The following MTMR7 variants were observed in gnomAD, a reference collection of about 807,000 sequenced individuals.
MTMR7 encodes the protein myotubularin related protein 7.
Under a neutral mutation model 81.2 loss-of-function variants are expected in MTMR7, and 76 were observed. The observed-to-expected ratio is 0.94, with a 90% CI of 0.78 to 1.13. MTMR7 has a LOEUF of 1.13. MTMR7 is among the 50% of genes most tolerant of loss of function. The probability of loss-of-function intolerance (pLI) is 0.00; values close to 1 mark genes in which losing one functional copy is unlikely to be tolerated. For missense variants in MTMR7, 1,044 were observed against 820.0 expected (o/e 1.27, Z -3.34); for synonymous variants, 372 against 289.8 (o/e 1.28, Z -2.88).
chr8:17,371,260 C>A, intron 2 of MTMR7, 61 bp from the exon 3 acceptor site: 1 of 1,528,200 alleles, frequency 6.5e-7, no homozygotes, highest in South Asian at 1.2e-5. Context: ...ACGACAAGGA[C>A]TAACATTTCT....
At chr8:17,361,456 C>T (rs1820059051) in intron 3 of MTMR7, among the ~76,000 whole-genome samples, 182 bp from the exon 4 acceptor site, 1 of 152,182 alleles carries the variant, frequency 6.6e-6, no homozygotes, top group Non-Finnish European at 1.5e-5. Context: ...CCACCAATGA[C>T]AAGATGACCT....
At chr8:17,408,690 T>C (rs1258664595) in intron 1 of MTMR7, among the ~76,000 whole-genome samples, 1 of 152,116 alleles carries the variant, frequency 6.6e-6, no homozygotes, top group Non-Finnish European at 1.5e-5. Context: ...ACAGCAGATG[T>C]GTATCAGCAT....
In MTMR7 at chr8:17,341,555, A is replaced by G. The variant is rs577323058; in HGVS notation, c.598-58T>C. 30 of 1,582,680 alleles carry G rather than the reference A, an allele frequency of 1.9e-5. No individual in the cohort carries two copies. In the South Asian group the frequency reaches 3.4e-4, roughly 18 times the overall value. Reference sequence around the variant, plus strand: ...TCAGGTAACTGTACCCATGAGAGACACTCTACGTGTGTCTCCAGAACAAAG... The same window carrying G: ...TCAGGTAACTGTACCCATGAGAGACGCTCTACGTGTGTCTCCAGAACAAAG... On this transcript the variant is annotated intron_variant, in intron 5 of 13. Transcript: ENST00000180173.
At chr8:17,410,428 CA>C (rs5889714) in intron 1 of MTMR7, among the ~76,000 whole-genome samples, 60,373 of 151,974 alleles carry the variant, frequency 0.4, 14,394 homozygotes, top group Admixed American at 0.58. Context: ...AATTAAGCAG[CA>C]CTTGAACCCA....
At chr8:17,355,253 G>T (rs183596918) in intron 4 of MTMR7, among the ~76,000 whole-genome samples, 2 of 152,012 alleles carry the variant, frequency 1.3e-5, no homozygotes, top group South Asian at 2.1e-4. Context: ...TTCTTTCAAG[G>T]CTAAAAATTC....
At chr8:17,302,678 A>T (rs1231135121) in intron 12 of MTMR7, among the ~76,000 whole-genome samples, 2 of 136,600 alleles carry the variant, frequency 1.5e-5, no homozygotes, top group African/African-American at 2.6e-5. Context: ...ACGACCACTA[A>T]AAGTTGACAT....
Position 17,371,175 on chromosome 8 carries a change from T to C in MTMR7, c.172A>G (p.Ile58Val), listed in dbSNP as rs746107183. ...TWILHSQIST[I>V]EKQATTATGC... ...GTAGCGGTTGTTGCCTGTTTCTCAATGGTGGAAATCTGACTGTGAAGAATC... is the reference window on the plus strand; with the variant it reads ...GTAGCGGTTGTTGCCTGTTTCTCAACGGTGGAAATCTGACTGTGAAGAATC... The change falls in exon 3 of 14, where the codon ATT (isoleucine) becomes GTT (valine). Residue 58 changes from isoleucine (I) to valine (V), a missense_variant. By Grantham distance (29) the Ile-to-Val change is conservative. Coordinates refer to ENST00000180173, the MANE Select transcript of MTMR7 (RefSeq NM_004686.5). 4 of 1,614,048 alleles carry C rather than the reference T, an allele frequency of 2.5e-6. No individual in the cohort carries two copies. The African/African-American group carries it at 4.0e-5, about 16-fold the overall frequency.
At chr8:17,352,559 G>A (rs1221348353) in intron 4 of MTMR7, among the ~76,000 whole-genome samples, 1 of 152,126 alleles carries the variant, frequency 6.6e-6, no homozygotes, top group African/African-American at 2.4e-5. Flanking sequence ...TATTATGTAT[G>A]ACAGCAAAAG....
chr8:17,350,828 G>A (rs1243775725), intron 4 of MTMR7, among the ~76,000 whole-genome samples: 3 of 152,204 alleles, frequency 2.0e-5, no homozygotes, highest in Admixed American at 1.3e-4. Flanking sequence ...GATGTTCACA[G>A]GCCCAAAGTC....
At chr8:17,323,020 T>C (rs1818483906) in intron 7 of MTMR7, among the ~76,000 whole-genome samples, 1 of 147,734 alleles carries the variant, frequency 6.8e-6, no homozygotes, top group Non-Finnish European at 1.5e-5. Flanking sequence ...TGATCTCGGC[T>C]CACTGTAACC....
In MTMR7 at chr8:17,299,854, G is replaced by A; in HGVS notation, c.*8C>T. ...GTGTCCTTTACTTTGGAACTCCAAA[G>A]GGAAACTTCAGGCAGTGAGAAACAC... On this transcript the variant is annotated 3_prime_UTR_variant, in exon 14 of 14. Transcript: ENST00000180173. 1 of 1,613,456 alleles carries A rather than the reference G, an allele frequency of 6.2e-7. No homozygotes were observed.
At chr8:17,362,115 T>C (rs988519631) in intron 3 of MTMR7, among the ~76,000 whole-genome samples, 2 of 152,200 alleles carry the variant, frequency 1.3e-5, no homozygotes, top group Non-Finnish European at 2.9e-5. Flanking sequence ...GTGAGCTATG[T>C]ATGTCATTTT....
intron 1 of MTMR7, among the ~76,000 whole-genome samples, chr8:17,388,061 G>C (rs1821003919): frequency 6.6e-6 from 1 of 152,170 alleles, no homozygotes; most frequent in African/African-American, 2.4e-5. Context: ...GGCAGAACAA[G>C]AAAAAAGTGC....
chr8:17,323,198 C>T (rs1331374535), intron 7 of MTMR7, among the ~76,000 whole-genome samples: 2 of 151,922 alleles, frequency 1.3e-5, no homozygotes, highest in East Asian at 3.9e-4. Flanking sequence ...CCACCTGCCT[C>T]AGCCTCCCAC....
intron 7 of MTMR7, 110 bp downstream of exon 7, chr8:17,331,040 C>A: frequency 7.6e-7 from 1 of 1,309,502 alleles, no homozygotes; most frequent in Non-Finnish European, 1.0e-6. Flanking sequence ...ATATTCTTCC[C>A]AAATTATCAC....
In MTMR7 at chr8:17,299,774, T is replaced by A. The variant is rs1391668361; in HGVS notation, c.*88A>T. On this transcript the variant is annotated 3_prime_UTR_variant, in exon 14 of 14. Transcript: ENST00000180173. ...AGTAGTTCTCAATGACATGCACCATTTCCTGTTTTTACAATAAACCACCTT... is the reference window on the plus strand; with the variant it reads ...AGTAGTTCTCAATGACATGCACCATATCCTGTTTTTACAATAAACCACCTT... 3 of 1,535,844 alleles carry A rather than the reference T, an allele frequency of 2.0e-6. No individual in the cohort carries two copies. The African/African-American group carries it at 4.2e-5, about 21-fold the overall frequency.
intron 1 of MTMR7, among the ~76,000 whole-genome samples, chr8:17,398,265 T>C (rs1332291501): frequency 6.6e-6 from 1 of 152,052 alleles, no homozygotes; most frequent in Non-Finnish European, 1.5e-5. Flanking sequence ...CAATTCAAAA[T>C]TGCAGTGTTG....
chr8:17,304,769 T>TGTGTGTGTGTGTGTGTG (rs1817346604), intron 11 of MTMR7, among the ~76,000 whole-genome samples: 1 of 61,012 alleles, frequency 1.6e-5, no homozygotes, highest in Non-Finnish European at 2.8e-5. Flanking sequence ...GTGTGTGTGT[T>TGTGTGTGTGTGTGTGTG]AAGCTGTTCT....
chr8:17,331,145 T>C lies in MTMR7; in HGVS notation c.865+5A>G, dbSNP rs536280750. 112 of 1,610,114 alleles carry C rather than the reference T, an allele frequency of 7.0e-5. No individual in the cohort carries two copies. The highest frequency in any genetic ancestry group is 8.9e-5 in the Non-Finnish European group (105 of 1,178,962). On this transcript the variant is annotated splice_donor_5th_base_variant and intron_variant, in intron 7 of 13. Coordinates refer to ENST00000180173, the MANE Select transcript of MTMR7 (RefSeq NM_004686.5). ...TTTAATGCTGTGCATAAGGAAATGG[T>C]TTACCTTCCAGCATTTTCTGCAGAC... is the stretch of plus-strand genomic sequence containing the variant.
Sources: gnomAD v4.1 joint callset for allele counts (sites outside exome capture counted in the v4.1 genomes callset) on GRCh38, gnomAD v4.1.1 for gene constraint, MANE v1.5 for transcripts, NCBI Gene and HGNC (gene_info 2026-07-23, HGNC 2026-07-21) for gene names.